The following CCDC38 variants were observed in gnomAD, a reference collection of about 807,000 sequenced individuals.
CCDC38 encodes the protein coiled-coil domain-containing protein 38.
A neutral mutation model predicts 72.8 loss-of-function variants in CCDC38; 69 were observed. That is an observed-to-expected ratio of 0.95 (90% CI 0.78 to 1.16). The LOEUF is 1.16. CCDC38 is among the 50% of genes most tolerant of loss of function. The pLI, the probability that CCDC38 is intolerant of heterozygous loss-of-function variation, is 0.00. For missense variants in CCDC38, 626 were observed against 638.9 expected (o/e 0.98, Z 0.22); for synonymous variants, 201 against 213.2 (o/e 0.94, Z 0.50).
At chr12:95,894,246 C>A (rs1330208162) in intron 8 of CCDC38, among the ~76,000 whole-genome samples, 2 of 151,918 alleles carry the variant, frequency 1.3e-5, no homozygotes, top group African/African-American at 2.4e-5. Flanking sequence ...CCAAACAAAA[C>A]AAAAAATAAA....
chr12:95,886,607 A>T (rs56360325), intron 10 of CCDC38, among the ~76,000 whole-genome samples: 19,906 of 152,254 alleles, frequency 0.13, 1,771 homozygotes, highest in Non-Finnish European at 0.19. Context: ...AATTTTCAAA[A>T]TGCAACAGTT....
At chr12:95,869,340 C>A in intron 15 of CCDC38, 140 bp downstream of exon 15, 1 of 576,664 alleles carries the variant, frequency 1.7e-6, no homozygotes, top group South Asian at 2.4e-5. Context: ...TAACAAGGAA[C>A]CAGAGACCAA....
At chr12:95,869,786 T>G in intron 14 of CCDC38, 1 of 494,174 alleles carries the variant, frequency 2.0e-6, no homozygotes, top group Non-Finnish European at 3.5e-6. Flanking sequence ...ATTTCATCAT[T>G]TTGGAAAATA....
chr12:95,876,883 T>C (rs1342678631), intron 13 of CCDC38, among the ~76,000 whole-genome samples: 1 of 152,200 alleles, frequency 6.6e-6, no homozygotes, highest in African/African-American at 2.4e-5. Flanking sequence ...CCTTAACAAC[T>C]GTTTTCAGTA....
At chr12:95,929,172 C>T (rs1037118277) in intron 2 of CCDC38, among the ~76,000 whole-genome samples, 142 of 152,250 alleles carry the variant, frequency 9.3e-4, no homozygotes, top group African/African-American at 2.4e-3. Flanking sequence ...CTCAGACTGC[C>T]GTGCTAGCAA....
At position 95,878,655 on chromosome 12, in the gene CCDC38, G is replaced by A. The variant is rs188241879; in HGVS notation, c.1143-309C>T. ...CATCAGGAACCCAGTGTTCTCAAAC[G>A]TGGCTGATAATCAGAATATGTGGGG... On this transcript the variant is annotated intron_variant, in intron 12 of 15. Transcript: ENST00000344280. Among the ~76,000 whole-genome samples the A allele has an allele frequency of 3.9e-5, 6 of 152,248 alleles. No homozygotes were observed. In the East Asian group the frequency reaches 9.6e-4, roughly 24 times the overall value.
chr12:95,867,157 A>G lies in CCDC38; in HGVS notation c.1611T>C (p.Pro537=), dbSNP rs1402716564. 1 of 1,608,092 alleles carries G rather than the reference A, an allele frequency of 6.2e-7. No individual in the cohort carries two copies. Among genetic ancestry groups the G allele is most frequent in the Non-Finnish European group, 8.5e-7 (1 of 1,176,402 alleles). Residue 537 remains proline (P), a synonymous_variant, in exon 16 of 16, where the codon CCT becomes CCC. Transcript: ENST00000344280. Reference sequence around the variant, plus strand: ...GTAGCTGCTGTTTGTTACCAGATGGAGGTTTTGAATGAAAGACAAGTCGTC... The same window carrying G: ...GTAGCTGCTGTTTGTTACCAGATGGGGGTTTTGAATGAAAGACAAGTCGTC... ...LGRRLVFHSK[P]PSGNKQQLPL...
intron 2 of CCDC38, chr12:95,935,535 A>T: frequency 3.1e-6 from 1 of 325,488 alleles, no homozygotes; most frequent in South Asian, 2.5e-5. Context: ...AACCTGAGAG[A>T]GAACAAACGT....
At chr12:95,896,568 T>C (rs1037440683) in intron 7 of CCDC38, 1 of 152,330 alleles carries the variant, frequency 6.6e-6, no homozygotes, top group African/African-American at 2.4e-5. Flanking sequence ...AGTTGGAAGA[T>C]TGATGGGAGA....
chr12:95,940,425 A>T (rs1191265135), intron 1 of CCDC38, among the ~76,000 whole-genome samples: 1 of 151,242 alleles, frequency 6.6e-6, no homozygotes, highest in Non-Finnish European at 1.5e-5. Context: ...ATATTATTCG[A>T]ATCAGTTTAT....
intron 15 of CCDC38, among the ~76,000 whole-genome samples, chr12:95,869,158 T>C (rs956404696): frequency 1.3e-5 from 2 of 152,226 alleles, no homozygotes; most frequent in African/African-American, 4.8e-5. Context: ...CTGAATACTC[T>C]TGTATCTTTT....
chr12:95,941,097 C>T (rs1367918670), intron 1 of CCDC38, among the ~76,000 whole-genome samples: 1 of 152,168 alleles, frequency 6.6e-6, no homozygotes, highest in African/African-American at 2.4e-5. Flanking sequence ...TTTTGCAAAC[C>T]TCCTGTTTGC....
At chr12:95,933,851 A>G (rs1015777175) in intron 2 of CCDC38, 2 of 152,162 alleles carry the variant, frequency 1.3e-5, no homozygotes, top group African/African-American at 4.8e-5. Flanking sequence ...AAAATGAATG[A>G]TCTAAACCAT....
chr12:95,910,799 G>C (rs1291422125), intron 4 of CCDC38, among the ~76,000 whole-genome samples: 1 of 152,170 alleles, frequency 6.6e-6, no homozygotes, highest in Non-Finnish European at 1.5e-5. Flanking sequence ...AGAAGTTCAA[G>C]GTTACAGTGA....
chr12:95,918,270 T>C (rs2080167685), intron 3 of CCDC38, among the ~76,000 whole-genome samples: 1 of 152,158 alleles, frequency 6.6e-6, no homozygotes, highest in Non-Finnish European at 1.5e-5. Flanking sequence ...CCACAAAATT[T>C]GAAAACAACA....
chr12:95,928,959 AT>A (rs1219982967), intron 2 of CCDC38, among the ~76,000 whole-genome samples: 3 of 152,194 alleles, frequency 2.0e-5, no homozygotes, highest in Non-Finnish European at 4.4e-5. Flanking sequence ...AGACAGGGAC[AT>A]TTAAGTCTGC....
intron 4 of CCDC38, among the ~76,000 whole-genome samples, chr12:95,909,603 G>C (rs1184091555): frequency 6.6e-6 from 1 of 151,926 alleles, no homozygotes; most frequent in Non-Finnish European, 1.5e-5. Flanking sequence ...CAACAAAAAA[G>C]AAAACTACAG....
At chr12:95,915,169 A>C (rs1040760872) in intron 4 of CCDC38, among the ~76,000 whole-genome samples, 5 of 152,222 alleles carry the variant, frequency 3.3e-5, no homozygotes, top group African/African-American at 1.2e-4. Flanking sequence ...TTCAACTCTA[A>C]GTAGACTCGT....
chr12:95,912,022 A>G (rs2080100083), intron 4 of CCDC38, among the ~76,000 whole-genome samples: 4 of 152,238 alleles, frequency 2.6e-5, no homozygotes. Flanking sequence ...ATACCATGGA[A>G]TACTATGCAG....
Sources: allele counts gnomAD v4.1 joint callset (sites outside exome capture counted in the v4.1 genomes callset), GRCh38; gene constraint gnomAD v4.1.1; transcripts MANE v1.5; gene names NCBI Gene and HGNC (gene_info 2026-07-23, HGNC 2026-07-21).